HEMK2: variants seen among roughly 807,000 people sequenced by gnomAD.
The protein encoded by HEMK2 is HemK methyltransferase 2, ETF1 glutamine and histone H4 lysine.
At chr21:28,608,377 G>A in the HEMK2 span, among the ~76,000 whole-genome samples, 23 of 138,884 alleles carry the variant, frequency 1.7e-4, no homozygotes, top group Middle Eastern at 0.018. Context: ...AGGCTAATAC[G>A]TTTTCAACTT....
the HEMK2 span, among the ~76,000 whole-genome samples, chr21:28,721,234 G>C: frequency 4.1e-4 from 62 of 152,168 alleles, no homozygotes; most frequent in South Asian, 8.3e-4. Context: ...TCCCACCTCA[G>C]CCTCCCTGGT....
At chr21:28,690,376 T>C in the HEMK2 span, among the ~76,000 whole-genome samples, 1 of 152,206 alleles carries the variant, frequency 6.6e-6, no homozygotes, top group South Asian at 2.1e-4. Context: ...AAGTGAGCTC[T>C]TGCTCAGAGG....
At chr21:28,820,038 T>C in the HEMK2 span, among the ~76,000 whole-genome samples, 1 of 152,166 alleles carries the variant, frequency 6.6e-6, no homozygotes, top group Admixed American at 6.5e-5. Context: ...GTCTTTTTCA[T>C]AGAAAGCTAA....
chr21:28,864,822 GA>G, the HEMK2 span, among the ~76,000 whole-genome samples: 2 of 94,082 alleles, frequency 2.1e-5, no homozygotes, highest in African/African-American at 7.8e-5. Context: ...CAGACAGACA[GA>G]TAGATAGATA....
At chr21:28,616,044 T>C in the HEMK2 span, among the ~76,000 whole-genome samples, 1 of 152,234 alleles carries the variant, frequency 6.6e-6, no homozygotes, top group Admixed American at 6.5e-5. Flanking sequence ...GTGCCACTCA[T>C]CATGTTTAGT....
the HEMK2 span, among the ~76,000 whole-genome samples, chr21:28,683,835 G>A: frequency 2.0e-5 from 3 of 152,142 alleles, no homozygotes; most frequent in Non-Finnish European, 4.4e-5. Flanking sequence ...AAGACTGTGA[G>A]CAATTGCACA....
At chr21:28,715,818 T>C in the HEMK2 span, among the ~76,000 whole-genome samples, 1 of 152,204 alleles carries the variant, frequency 6.6e-6, no homozygotes, top group Non-Finnish European at 1.5e-5. Context: ...AATTTTTGTA[T>C]ATGATGATAG....
At chr21:28,727,862 A>G in the HEMK2 span, among the ~76,000 whole-genome samples, 2 of 152,236 alleles carry the variant, frequency 1.3e-5, no homozygotes, top group Admixed American at 6.5e-5. Flanking sequence ...TCTGTTCCCA[A>G]TTAAAAAAAT....
At chr21:28,843,313 A>T in the HEMK2 span, among the ~76,000 whole-genome samples, 2 of 152,114 alleles carry the variant, frequency 1.3e-5, no homozygotes, top group Non-Finnish European at 2.9e-5. Flanking sequence ...AATCATGGCA[A>T]AGGCGAAGGG....
the HEMK2 span, among the ~76,000 whole-genome samples, chr21:28,833,834 G>A: frequency 5.7e-4 from 87 of 152,286 alleles, no homozygotes; most frequent in South Asian, 1.2e-3. Flanking sequence ...TCTGTAAAAT[G>A]GGTATAGCAA....
At chr21:28,821,281 G>T in the HEMK2 span, among the ~76,000 whole-genome samples, 4 of 152,156 alleles carry the variant, frequency 2.6e-5, no homozygotes, top group African/African-American at 9.7e-5. Flanking sequence ...GGGAGAGGCT[G>T]TGGGCTCCAG....
At chr21:28,778,233 T>C in the HEMK2 span, among the ~76,000 whole-genome samples, 15 of 152,190 alleles carry the variant, frequency 9.9e-5, no homozygotes, top group Non-Finnish European at 1.9e-4. Flanking sequence ...CCTTTAGGGG[T>C]TGGCTTTTTT....
the HEMK2 span, chr21:28,876,446 G>A: frequency 6.2e-7 from 1 of 1,611,778 alleles, no homozygotes; most frequent in Non-Finnish European, 8.5e-7. Context: ...GGAAAGTGCA[G>A]TGGTTCCTTG....
At chr21:28,834,157 G>T in the HEMK2 span, among the ~76,000 whole-genome samples, 1 of 152,170 alleles carries the variant, frequency 6.6e-6, no homozygotes, top group African/African-American at 2.4e-5. Flanking sequence ...CATGGCAGAT[G>T]GGAGGTAGGA....
the HEMK2 span, among the ~76,000 whole-genome samples, chr21:28,740,494 G>T: frequency 6.6e-6 from 1 of 152,216 alleles, no homozygotes; most frequent in African/African-American, 2.4e-5. Flanking sequence ...GGGCAATAGT[G>T]ATTGTTTATG....
the HEMK2 span, among the ~76,000 whole-genome samples, chr21:28,696,310 T>C: frequency 6.6e-6 from 1 of 152,144 alleles, no homozygotes; most frequent in African/African-American, 2.4e-5. Flanking sequence ...TGGGTAAATA[T>C]ACCCATTCCA....
At chr21:28,831,542 G>A in the HEMK2 span, among the ~76,000 whole-genome samples, 298 of 57,908 alleles carry the variant, frequency 5.1e-3, 2 homozygotes, top group Middle Eastern at 0.01. Flanking sequence ...AAGGAAAGAA[G>A]GAAAGAAGGA....
chr21:28,711,166 C>A, the HEMK2 span, among the ~76,000 whole-genome samples: 1 of 152,180 alleles, frequency 6.6e-6, no homozygotes, highest in Non-Finnish European at 1.5e-5. Flanking sequence ...ACCTCCTACA[C>A]TCCCTTCGGA....
the HEMK2 span, among the ~76,000 whole-genome samples, chr21:28,794,584 T>C: frequency 6.6e-6 from 1 of 152,262 alleles, no homozygotes; most frequent in Non-Finnish European, 1.5e-5. Flanking sequence ...TTTGAGAATT[T>C]CAAGGAAGGA....
Sources: gnomAD v4.1 joint callset for allele counts (sites outside exome capture counted in the v4.1 genomes callset) on GRCh38, gnomAD v4.1.1 for gene constraint, MANE v1.5 for transcripts, NCBI Gene and HGNC (gene_info 2026-07-23, HGNC 2026-07-21) for gene names.